The following PCSK1 variants were observed in gnomAD, a reference collection of about 807,000 sequenced individuals.
The protein encoded by PCSK1 is neuroendocrine convertase 1.
In PCSK1, 56 loss-of-function variants were observed where a neutral mutation model predicts 90.6. That is an observed-to-expected ratio of 0.62 (90% CI 0.50 to 0.77). PCSK1 has a LOEUF of 0.77. Ranked by LOEUF, PCSK1 falls within the 30% of genes least tolerant of loss-of-function variation. PCSK1 has a pLI of 0.00. For synonymous variants in PCSK1, 348 were observed against 342.4 expected (o/e 1.02, Z -0.18); for missense variants, 801 against 932.6 (o/e 0.86, Z 1.84).
intron 1 of PCSK1, chr5:96,432,259 AT>A (rs1761530657): frequency 6.5e-6 from 5 of 768,804 alleles, no homozygotes; most frequent in African/African-American, 1.8e-5. Flanking sequence ...TTCACCCACC[AT>A]TTCTCCCCCC....
At chr5:96,397,288 A>G (rs762120955) in intron 12 of PCSK1, 48 bp downstream of exon 12, 13 of 1,569,310 alleles carry the variant, frequency 8.3e-6, no homozygotes, top group African/African-American at 1.3e-5. Context: ...GTGCTTCAAA[A>G]TGTTTAAAAG....
intron 8 of PCSK1, among the ~76,000 whole-genome samples, chr5:96,408,526 A>G (rs555669614): frequency 4.4e-4 from 67 of 152,336 alleles, no homozygotes; most frequent in African/African-American, 1.5e-3. Flanking sequence ...CAACTTCTCT[A>G]TAATTCTGGC....
At chr5:96,410,367 G>A (rs571462058) in intron 8 of PCSK1, among the ~76,000 whole-genome samples, 3 of 151,550 alleles carry the variant, frequency 2.0e-5, no homozygotes, top group South Asian at 4.2e-4. Context: ...TATCATCTGC[G>A]ACAGGGCAGG....
intron 6 of PCSK1, among the ~76,000 whole-genome samples, chr5:96,415,187 T>A (rs1479281807): frequency 6.6e-6 from 1 of 152,226 alleles, no homozygotes; most frequent in Non-Finnish European, 1.5e-5. Context: ...CATTAGAACA[T>A]GGACTGCATC....
At chr5:96,402,735 T>C (rs1580749206) in intron 9 of PCSK1, among the ~76,000 whole-genome samples, 2 of 152,214 alleles carry the variant, frequency 1.3e-5, no homozygotes, top group South Asian at 4.2e-4. Context: ...TTTGGCTTGT[T>C]GAATTAATAG....
chr5:96,428,083 C>A (rs567326937), intron 2 of PCSK1, among the ~76,000 whole-genome samples: 31 of 152,246 alleles, frequency 2.0e-4, no homozygotes, highest in African/African-American at 7.2e-4. Context: ...CTTTTACATT[C>A]GAACACTGGT....
At chr5:96,416,421 G>A (rs76134092) in intron 5 of PCSK1, among the ~76,000 whole-genome samples, 3,750 of 152,302 alleles carry the variant, frequency 0.025, 153 homozygotes, top group African/African-American at 0.086. Context: ...AACACTTAGA[G>A]CAGTGGATGG....
At chr5:96,425,994 ACTATCT>A in intron 2 of PCSK1, 64 bp from the exon 3 acceptor site, 1 of 893,148 alleles carries the variant, frequency 1.1e-6, no homozygotes, top group Non-Finnish European at 1.8e-6. Context: ...ACTTCCTCTA[ACTATCT>A]CCAGTACCCT....
chr5:96,405,575 G>A (rs1760532350), intron 9 of PCSK1, among the ~76,000 whole-genome samples: 1 of 152,144 alleles, frequency 6.6e-6, no homozygotes, highest in Non-Finnish European at 1.5e-5. Context: ...GGAGGCTGAG[G>A]CATAAGAATT....
intron 1 of PCSK1, among the ~76,000 whole-genome samples, chr5:96,431,513 T>C (rs2112453442): frequency 6.6e-6 from 1 of 152,280 alleles, no homozygotes; most frequent in South Asian, 2.1e-4. Context: ...AGATTCTTGA[T>C]TACTTGAGAG....
At chr5:96,406,578 T>C (rs1183218988) in intron 9 of PCSK1, among the ~76,000 whole-genome samples, 1 of 152,180 alleles carries the variant, frequency 6.6e-6, no homozygotes, top group African/African-American at 2.4e-5. Context: ...CCCAGGAATA[T>C]ACCCCATCTC....
At chr5:96,399,438 A>G (rs1241004164) in intron 10 of PCSK1, among the ~76,000 whole-genome samples, 1 of 152,190 alleles carries the variant, frequency 6.6e-6, no homozygotes, top group East Asian at 1.9e-4. Flanking sequence ...CTCCTAGTAG[A>G]AATTTCTTCT....
In PCSK1 at chr5:96,433,163, T is replaced by C. The variant is rs1471853919; in HGVS notation, c.-121A>G. 4.0e-5 allele frequency: 38 copies of C among 959,184 alleles called. No individual in the cohort carries two copies. The highest frequency in any genetic ancestry group is 3.6e-5 in the Non-Finnish European group (22 of 602,934). 59.4% of individuals were successfully genotyped at this position (959,184 alleles called of 1,614,324 possible). A position where few individuals can be genotyped will look rare whatever the true frequency, so the allele number is the denominator to read the frequency against. ...GCTCTAGACCACTCCTGGCTCCTGGTTGCTCTGCGAAGAGCTAGGAGGCGC... is the reference window on the plus strand; with the variant it reads ...GCTCTAGACCACTCCTGGCTCCTGGCTGCTCTGCGAAGAGCTAGGAGGCGC... On this transcript the variant is annotated 5_prime_UTR_variant, in exon 1 of 14. Transcript: ENST00000311106.
Position 96,410,817 on chromosome 5 carries a change from A to C in PCSK1, c.1052T>G (p.Leu351Arg). The C allele has an allele frequency of 6.2e-7, 1 of 1,614,150 alleles. No homozygotes were observed. Among genetic ancestry groups the C allele is most frequent in the African/African-American group, 1.3e-5 (1 of 75,040 alleles). ...ATCTCCGCTGCTGTAAGAGGTGGCC[A>C]GTGTGGAGGAGCACTTCTCAGCGTA... is the stretch of plus-strand genomic sequence containing the variant. ...PWYAEKCSST[L>R]ATSYSSGDYT... The change falls in exon 8 of 14, where the codon CTG becomes CGG. Residue 351 changes from leucine to arginine, a missense_variant. Coordinates refer to ENST00000311106, the MANE Select transcript of PCSK1 (RefSeq NM_000439.5).
chr5:96,400,660 G>T (rs551889515), intron 9 of PCSK1, among the ~76,000 whole-genome samples: 1 of 152,168 alleles, frequency 6.6e-6, no homozygotes, highest in Non-Finnish European at 1.5e-5. Flanking sequence ...CTGGCTACCT[G>T]CTGTAAACAT....
chr5:96,408,840 A>G (rs1760659216), intron 8 of PCSK1, among the ~76,000 whole-genome samples: 1 of 152,188 alleles, frequency 6.6e-6, no homozygotes, highest in Non-Finnish European at 1.5e-5. Flanking sequence ...GTTTGCACTC[A>G]CTGTTGAACT....
intron 11 of PCSK1, among the ~76,000 whole-genome samples, chr5:96,398,009 A>G (rs1463839487): frequency 6.6e-6 from 1 of 152,132 alleles, no homozygotes. Flanking sequence ...TTATATTAAA[A>G]GACAGGTTAC....
At chr5:96,401,671 AT>A (rs1760380575) in intron 9 of PCSK1, among the ~76,000 whole-genome samples, 1 of 152,184 alleles carries the variant, frequency 6.6e-6, no homozygotes, top group Non-Finnish European at 1.5e-5. Flanking sequence ...ATTCTGCTAT[AT>A]GTGCATATTC....
chr5:96,430,712 T>C (rs1761464344), intron 1 of PCSK1, among the ~76,000 whole-genome samples: 1 of 152,208 alleles, frequency 6.6e-6, no homozygotes, highest in Non-Finnish European at 1.5e-5. Context: ...TCTAATAAAA[T>C]AATTTTGTTA....
Sources: gnomAD v4.1 joint callset for allele counts (sites outside exome capture counted in the v4.1 genomes callset) on GRCh38, gnomAD v4.1.1 for gene constraint, MANE v1.5 for transcripts, NCBI Gene and HGNC (gene_info 2026-07-23, HGNC 2026-07-21) for gene names.